Variants in DRC8 observed in about 807,000 individuals in gnomAD.
DRC8 encodes dynein regulatory complex protein 8.
the DRC8 span, chr1:245,059,458 G>A: frequency 1.2e-6 from 2 of 1,611,768 alleles, no homozygotes; most frequent in Non-Finnish European, 8.5e-7. Flanking sequence ...TGATTGCAGA[G>A]GTGAGTACGG....
the DRC8 span, among the ~76,000 whole-genome samples, chr1:245,028,714 A>C: frequency 6.6e-6 from 1 of 152,192 alleles, no homozygotes; most frequent in Admixed American, 6.5e-5. Flanking sequence ...AAGTTTTTGA[A>C]TAGATAATAT....
At chr1:245,036,789 T>C in the DRC8 span, among the ~76,000 whole-genome samples, 1 of 152,072 alleles carries the variant, frequency 6.6e-6, no homozygotes, top group African/African-American at 2.4e-5. Flanking sequence ...AGCAGGCAAA[T>C]CTGTAGACAC....
At chr1:245,052,442 G>A in the DRC8 span, among the ~76,000 whole-genome samples, 10 of 152,120 alleles carry the variant, frequency 6.6e-5, no homozygotes, top group South Asian at 2.1e-4. Context: ...GCACAGCTGC[G>A]TGAGTGAGCC....
chr1:244,970,575 AG>A, the DRC8 span: 2 of 1,190,030 alleles, frequency 1.7e-6, no homozygotes, highest in Non-Finnish European at 2.2e-6. Context: ...CGGCCTGAGG[AG>A]GGGGCCACCC....
the DRC8 span, among the ~76,000 whole-genome samples, chr1:244,994,512 C>A: frequency 6.6e-6 from 1 of 152,122 alleles, no homozygotes; most frequent in African/African-American, 2.4e-5. Context: ...TCATTGTAAC[C>A]TCCGCCTCCT....
the DRC8 span, among the ~76,000 whole-genome samples, chr1:245,068,084 G>A: frequency 6.6e-6 from 1 of 152,162 alleles, no homozygotes; most frequent in South Asian, 2.1e-4. Flanking sequence ...CATATACTGA[G>A]AGTATTGCTT....
chr1:245,122,164 A>T, the DRC8 span: 1 of 230,248 alleles, frequency 4.3e-6, no homozygotes, highest in South Asian at 5.2e-5. Context: ...CAGCCTCCCA[A>T]AGTTCTGGGA....
chr1:244,980,334 G>T, the DRC8 span, among the ~76,000 whole-genome samples: 3 of 151,908 alleles, frequency 2.0e-5, no homozygotes, highest in African/African-American at 7.3e-5. Context: ...CTCCAGCGTG[G>T]CTGACAGAAT....
At chr1:244,970,199 C>A in the DRC8 span, 5 of 732,368 alleles carry the variant, frequency 6.8e-6, no homozygotes, top group African/African-American at 8.9e-5. Flanking sequence ...GCAGACGGGG[C>A]CTCTGGTCTT....
the DRC8 span, among the ~76,000 whole-genome samples, chr1:245,106,338 A>G: frequency 2.0e-5 from 3 of 152,310 alleles, no homozygotes; most frequent in African/African-American, 4.8e-5. Flanking sequence ...ACAGACTGAT[A>G]AAACAGGTTT....
chr1:245,026,761 T>C, the DRC8 span, among the ~76,000 whole-genome samples: 1 of 152,174 alleles, frequency 6.6e-6, no homozygotes, highest in African/African-American at 2.4e-5. Flanking sequence ...ACGTTGAATT[T>C]AAAAAATTAC....
chr1:244,975,674 C>T, the DRC8 span, among the ~76,000 whole-genome samples: 3 of 152,190 alleles, frequency 2.0e-5, no homozygotes, highest in South Asian at 6.2e-4. Context: ...GCCTGGCCAA[C>T]ATGGTGAAAC....
chr1:245,035,542 T>TACCACAC, the DRC8 span, among the ~76,000 whole-genome samples: 1 of 152,174 alleles, frequency 6.6e-6, no homozygotes, highest in Non-Finnish European at 1.5e-5. Context: ...AGTTGGACCC[T>TACCACAC]ACCACACACC....
the DRC8 span, among the ~76,000 whole-genome samples, chr1:245,040,294 C>T: frequency 6.6e-6 from 1 of 152,154 alleles, no homozygotes; most frequent in Admixed American, 6.5e-5. Context: ...TTGTTATGAC[C>T]AAGGCCTCTT....
chr1:245,049,775 C>T, the DRC8 span, among the ~76,000 whole-genome samples: 1 of 152,114 alleles, frequency 6.6e-6, no homozygotes, highest in Admixed American at 6.5e-5. This position sits in a 1 kb window ranked among gnomAD's most constrained non-coding sequence, Gnocchi z 4.5. Context: ...AGTCCAAGTG[C>T]TTGACTGAGA....
the DRC8 span, among the ~76,000 whole-genome samples, chr1:245,015,455 A>G: frequency 6.6e-6 from 1 of 152,198 alleles, no homozygotes; most frequent in Non-Finnish European, 1.5e-5. Flanking sequence ...TCACGCCTGT[A>G]ATCCCAGCAC....
chr1:244,984,850 C>CA, the DRC8 span, among the ~76,000 whole-genome samples: 5,127 of 138,868 alleles, frequency 0.037, 245 homozygotes, highest in African/African-American at 0.12. Flanking sequence ...ACCCCCCCTT[C>CA]AAAAAAAAAA....
At chr1:245,009,633 A>T in the DRC8 span, among the ~76,000 whole-genome samples, 1 of 151,142 alleles carries the variant, frequency 6.6e-6, no homozygotes, top group Non-Finnish European at 1.5e-5. Flanking sequence ...ATGCCCGGCT[A>T]ATTTTTTGTA....
the DRC8 span, among the ~76,000 whole-genome samples, chr1:245,047,281 A>G: frequency 6.6e-6 from 1 of 152,228 alleles, no homozygotes; most frequent in African/African-American, 2.4e-5. Flanking sequence ...CATATTTTAT[A>G]TGTTATATGG....
Sources: gnomAD v4.1 joint callset for allele counts (sites outside exome capture counted in the v4.1 genomes callset) on GRCh38, gnomAD v4.1.1 for gene constraint, Gnocchi (gnomAD v3.1) non-coding constraint, MANE v1.5 for transcripts, NCBI Gene and HGNC (gene_info 2026-07-23, HGNC 2026-07-21) for gene names.